The following GALNT10 variants were observed in gnomAD, a reference collection of about 807,000 sequenced individuals.
The protein encoded by GALNT10 is polypeptide N-acetylgalactosaminyltransferase 10, also known as GalNAc transferase 10.
GALNT10 carries 41 observed loss-of-function variants against 75.0 expected under a neutral mutation model. The observed-to-expected ratio is 0.55, with a 90% CI of 0.43 to 0.71. The LOEUF (loss-of-function observed/expected upper bound fraction) is 0.71. Among genes scored for constraint, GALNT10 ranks in the 30% least tolerant of loss-of-function variants. The pLI is 0.00. For synonymous variants in GALNT10, 302 were observed against 313.0 expected (o/e 0.96, Z 0.37); for missense variants, 727 against 818.5 (o/e 0.89, Z 1.36).
Position 154,215,253 on chromosome 5 carries a change from C to T in GALNT10, c.159+24228C>T, listed in dbSNP as rs548089594. 4.6e-3 allele frequency among the ~76,000 whole-genome samples: 694 copies of T among 152,122 alleles called. 2 individuals are homozygous for T. Among genetic ancestry groups the T allele is most frequent in the Non-Finnish European group, 8.3e-3 (562 of 67,984 alleles). Reference sequence around the variant, plus strand: ...ATCCCAGCACTTTGGGAGGCTGAGGCGGGCGGATCACGAAGTCAAGAGATT... The same window carrying T: ...ATCCCAGCACTTTGGGAGGCTGAGGTGGGCGGATCACGAAGTCAAGAGATT... On this transcript the variant is annotated intron_variant, in intron 1 of 11. Coordinates refer to ENST00000297107, the MANE Select transcript of GALNT10 (RefSeq NM_198321.4).
At chr5:154,200,363 G>A (rs758924867) in intron 1 of GALNT10, among the ~76,000 whole-genome samples, 13 of 152,160 alleles carry the variant, frequency 8.5e-5, no homozygotes, top group South Asian at 2.1e-4. Flanking sequence ...TCTGAGAGGC[G>A]GGCTGCTGAG....
intron 3 of GALNT10, among the ~76,000 whole-genome samples, chr5:154,323,564 A>T (rs1261975801): frequency 6.6e-6 from 1 of 152,170 alleles, no homozygotes; most frequent in Non-Finnish European, 1.5e-5. Context: ...ATGTGGAGAT[A>T]TGAGGAACAG....
chr5:154,236,962 G>A (rs1753257327), intron 1 of GALNT10, among the ~76,000 whole-genome samples: 1 of 152,164 alleles, frequency 6.6e-6, no homozygotes, highest in Non-Finnish European at 1.5e-5. Flanking sequence ...CAGTGTCTAG[G>A]GGTCTGGGGC....
intron 6 of GALNT10, among the ~76,000 whole-genome samples, chr5:154,386,031 A>G (rs1307271863): frequency 6.6e-6 from 1 of 152,232 alleles, no homozygotes; most frequent in African/African-American, 2.4e-5. Context: ...TACAGGGCCC[A>G]TGTGGACAAA....
chr5:154,222,481 C>T (rs1402743727), intron 1 of GALNT10, among the ~76,000 whole-genome samples: 1 of 152,018 alleles, frequency 6.6e-6, no homozygotes, highest in Non-Finnish European at 1.5e-5. Context: ...TGGGTAAATA[C>T]TTAGGAATGG....
chr5:154,300,861 G>C (rs761505001), intron 3 of GALNT10, among the ~76,000 whole-genome samples: 4 of 152,182 alleles, frequency 2.6e-5, no homozygotes, highest in Non-Finnish European at 5.9e-5. Flanking sequence ...AGCTAGGAAG[G>C]CCTTCCGGAG....
intron 3 of GALNT10, among the ~76,000 whole-genome samples, chr5:154,320,877 A>G (rs533459037): frequency 6.6e-6 from 1 of 152,334 alleles, no homozygotes; most frequent in Non-Finnish European, 1.5e-5. Flanking sequence ...TCCTGTTCAC[A>G]CAGCTGGAAT....
intron 2 of GALNT10, 58 bp downstream of exon 2, chr5:154,294,976 TTGTGTGTGTGTGTGTGTG>T (rs70978534): frequency 3.3e-6 from 2 of 610,376 alleles, no homozygotes; most frequent in South Asian, 2.1e-5. Flanking sequence ...GCACATATGC[TTGTGTGTGTGTGTGTGTG>T]TGTGTGTGTG....
chr5:154,264,870 AC>A (rs1373419242), intron 1 of GALNT10, among the ~76,000 whole-genome samples: 1 of 152,192 alleles, frequency 6.6e-6, no homozygotes, highest in Non-Finnish European at 1.5e-5. Context: ...CCTGAAATCT[AC>A]AGCCCAATAC....
chr5:154,412,635 A>C lies in GALNT10; in HGVS notation c.1387-254A>C. The C allele has an allele frequency of 5.4e-6, 2 of 370,578 alleles. No homozygotes were observed. The highest frequency in any genetic ancestry group is 1.0e-5 in the Non-Finnish European group (2 of 199,062). The allele number at this position is 370,578 out of a possible 1,614,324, so 23.0% of individuals were successfully genotyped here. The stretch of plus-strand genomic sequence containing the variant: ...ACCAACTCCTCACCTCCACTCCCCC[A>C]CCACCAACCCAGGACTCTGCATACT... On this transcript the variant is annotated intron_variant, in intron 9 of 11. Coordinates refer to ENST00000297107, the MANE Select transcript of GALNT10 (RefSeq NM_198321.4). This position sits in a 1 kb window ranked among gnomAD's most constrained non-coding sequence, Gnocchi z 4.2.
chr5:154,411,338 C>T (rs1318697089), intron 9 of GALNT10, among the ~76,000 whole-genome samples: 1 of 152,206 alleles, frequency 6.6e-6, no homozygotes, highest in South Asian at 2.1e-4. Context: ...GGCTGACCAA[C>T]CCCTACTGCT....
At chr5:154,288,227 A>G (rs4958723) in intron 1 of GALNT10, among the ~76,000 whole-genome samples, 64,171 of 151,898 alleles carry the variant, frequency 0.42, 14,157 homozygotes, top group Admixed American at 0.62. Flanking sequence ...TTTTGAAGAC[A>G]CTAGCCAGCT....
At chr5:154,239,146 G>T (rs1239141919) in intron 1 of GALNT10, among the ~76,000 whole-genome samples, 1 of 152,176 alleles carries the variant, frequency 6.6e-6, no homozygotes, top group Non-Finnish European at 1.5e-5. Flanking sequence ...TCCTCTTCTT[G>T]TTGGTCTCTG....
At chr5:154,327,947 C>A (rs1223418166) in intron 3 of GALNT10, among the ~76,000 whole-genome samples, 4 of 152,022 alleles carry the variant, frequency 2.6e-5, no homozygotes. Flanking sequence ...ATCTAACTAC[C>A]AGTTTACAAG....
At chr5:154,398,594 G>A (rs532276071) in intron 7 of GALNT10, among the ~76,000 whole-genome samples, 1 of 152,324 alleles carries the variant, frequency 6.6e-6, no homozygotes, top group East Asian at 1.9e-4. Context: ...CCTTTTAGGA[G>A]CCAGGTGGAA....
chr5:154,382,016 A>T (rs1755742170), intron 6 of GALNT10, among the ~76,000 whole-genome samples: 1 of 152,210 alleles, frequency 6.6e-6, no homozygotes, highest in South Asian at 2.1e-4. Context: ...GGAGATTCAG[A>T]CACTGCCATA....
intron 1 of GALNT10, among the ~76,000 whole-genome samples, chr5:154,261,825 G>A (rs1465411680): frequency 6.6e-6 from 1 of 152,180 alleles, no homozygotes; most frequent in African/African-American, 2.4e-5. Flanking sequence ...GCTTACGATT[G>A]TGCCATCAGG....
chr5:154,229,737 A>C (rs1052668173), intron 1 of GALNT10, among the ~76,000 whole-genome samples: 10 of 152,230 alleles, frequency 6.6e-5, no homozygotes, highest in Middle Eastern at 3.2e-3. Flanking sequence ...CATCTCAAAA[A>C]AAAAAAAGAA....
At position 154,419,578 on chromosome 5, in the gene GALNT10, A is replaced by T. The variant is rs1023471266; in HGVS notation, c.*2606A>T. On this transcript the variant is annotated 3_prime_UTR_variant, in exon 12 of 12. Transcript: ENST00000297107. ...TCCAGTCTGGGTTCACACCCTGAAA[A>T]GGGATGGGTGTGTCCTCTGAGCACT... 1.3e-5 allele frequency: 2 copies of T among 152,168 alleles called. No homozygotes were observed. The highest frequency in any genetic ancestry group is 4.8e-5 in the African/African-American group (2 of 41,414). 9.4% of individuals were successfully genotyped at this position (152,168 alleles called of 1,614,324 possible).
Sources: allele counts gnomAD v4.1 joint callset (sites outside exome capture counted in the v4.1 genomes callset), GRCh38; gene constraint gnomAD v4.1.1; non-coding constraint Gnocchi (gnomAD v3.1); transcripts MANE v1.5; gene names NCBI Gene and HGNC (gene_info 2026-07-23, HGNC 2026-07-21).